The following TMEM132D variants were observed in gnomAD, a reference collection of about 807,000 sequenced individuals.
The protein encoded by TMEM132D is mature OL transmembrane protein.
A neutral mutation model predicts 62.3 loss-of-function variants in TMEM132D; 21 were observed. The ratio of observed to expected loss-of-function variants is 0.34; its 90% CI spans 0.24 to 0.49. The LOEUF is 0.49. TMEM132D is among the 20% of genes least tolerant of loss of function. The pLI is 0.99. For missense variants in TMEM132D, 1,346 were observed against 1,402.8 expected, an observed-to-expected ratio of 0.96 and a Z score of 0.65; for synonymous variants, 621 against 575.6, an observed-to-expected ratio of 1.08 and a Z score of -1.13.
At chr12:129,440,456 C>T (rs1474626749) in intron 3 of TMEM132D, among the ~76,000 whole-genome samples, 3 of 152,140 alleles carry the variant, frequency 2.0e-5, no homozygotes, top group Non-Finnish European at 4.4e-5. Flanking sequence ...AGAACTCAGA[C>T]AGGAAATGAT....
intron 2 of TMEM132D, among the ~76,000 whole-genome samples, chr12:129,600,428 T>C (rs986892723): frequency 2.0e-5 from 3 of 152,222 alleles, no homozygotes; most frequent in African/African-American, 2.4e-5. Context: ...TCCACACTCC[T>C]GTTCATGTTG....
At chr12:129,534,817 G>C (rs905672798) in intron 2 of TMEM132D, among the ~76,000 whole-genome samples, 5 of 152,174 alleles carry the variant, frequency 3.3e-5, no homozygotes, top group African/African-American at 7.2e-5. Context: ...TTGTGGCCCT[G>C]CTACAACTGT....
chr12:129,793,773 C>T (rs550279167), intron 1 of TMEM132D, among the ~76,000 whole-genome samples: 1 of 152,336 alleles, frequency 6.6e-6, no homozygotes, highest in Admixed American at 6.5e-5. Flanking sequence ...GTACCCTTCT[C>T]ACCCTTCTCC....
At chr12:129,257,181 A>G (rs1236413007) in intron 4 of TMEM132D, among the ~76,000 whole-genome samples, 1 of 150,334 alleles carries the variant, frequency 6.7e-6, no homozygotes, top group East Asian at 2.0e-4. Context: ...TTTTATGGGC[A>G]TCCAGGCATC....
At chr12:129,395,188 G>A (rs1871387826) in intron 3 of TMEM132D, among the ~76,000 whole-genome samples, 2 of 152,138 alleles carry the variant, frequency 1.3e-5, no homozygotes, top group South Asian at 4.1e-4. Flanking sequence ...CCCATTAGAT[G>A]GGTGCAAATG....
At chr12:129,439,701 G>C (rs981978514) in intron 3 of TMEM132D, among the ~76,000 whole-genome samples, 1 of 152,102 alleles carries the variant, frequency 6.6e-6, no homozygotes, top group Non-Finnish European at 1.5e-5. Context: ...CACCTGCCTC[G>C]GCCTCCCAAA....
chr12:129,719,619 T>C (rs1329817001), intron 1 of TMEM132D, among the ~76,000 whole-genome samples: 2 of 152,240 alleles, frequency 1.3e-5, no homozygotes, highest in African/African-American at 4.8e-5. Flanking sequence ...AAAACTCTTC[T>C]GTAAGTGCTG....
At chr12:129,128,758 C>A (rs1293991006) in intron 5 of TMEM132D, among the ~76,000 whole-genome samples, 1 of 152,132 alleles carries the variant, frequency 6.6e-6, no homozygotes, top group Non-Finnish European at 1.5e-5. Flanking sequence ...CATCCTGCCC[C>A]CACCCTTGGG....
chr12:129,206,228 G>A (rs141497315), intron 5 of TMEM132D, among the ~76,000 whole-genome samples: 45 of 152,240 alleles, frequency 3.0e-4, no homozygotes, highest in African/African-American at 9.6e-4. Context: ...CTCATATCCC[G>A]CACCTGTAAG....
At chr12:129,169,387 G>A (rs952888355) in intron 5 of TMEM132D, among the ~76,000 whole-genome samples, 2 of 152,200 alleles carry the variant, frequency 1.3e-5, no homozygotes, top group Non-Finnish European at 2.9e-5. Context: ...TGGAGCTATG[G>A]CAGCCATCAT....
intron 1 of TMEM132D, among the ~76,000 whole-genome samples, chr12:129,875,597 A>G (rs1426896129): frequency 2.0e-5 from 3 of 152,288 alleles, no homozygotes; most frequent in Non-Finnish European, 4.4e-5. Context: ...TCCAGCAGGC[A>G]TGGCGGGGAA....
intron 3 of TMEM132D, among the ~76,000 whole-genome samples, chr12:129,418,566 G>C (rs1290607954): frequency 1.3e-5 from 2 of 152,086 alleles, no homozygotes; most frequent in African/African-American, 4.8e-5. Context: ...GTTGGTGGGT[G>C]GGGGACAAGG....
chr12:129,245,766 G>C (rs1448344227), intron 4 of TMEM132D, among the ~76,000 whole-genome samples: 1 of 152,148 alleles, frequency 6.6e-6, no homozygotes, highest in Non-Finnish European at 1.5e-5. Context: ...CAGACAGAAT[G>C]CAAACCAGAA....
chr12:129,532,132 T>A (rs1010385487), intron 2 of TMEM132D, among the ~76,000 whole-genome samples: 3 of 150,822 alleles, frequency 2.0e-5, no homozygotes, highest in African/African-American at 7.2e-5. Flanking sequence ...CAAGCTGGCC[T>A]AGAAGTTTGA....
chr12:129,574,787 G>A (rs569060151), intron 2 of TMEM132D, among the ~76,000 whole-genome samples: 10 of 151,722 alleles, frequency 6.6e-5, no homozygotes, highest in South Asian at 2.1e-4. Context: ...GGTTTGCTGC[G>A]CCCCTCAGTG....
At chr12:129,295,884 A>G (rs1881561678) in intron 4 of TMEM132D, among the ~76,000 whole-genome samples, 2 of 151,952 alleles carry the variant, frequency 1.3e-5, no homozygotes, top group Non-Finnish European at 2.9e-5. Context: ...ATTCTTTTTT[A>G]TTGTTGTACT....
At chr12:129,732,435 G>A (rs542710375) in intron 1 of TMEM132D, among the ~76,000 whole-genome samples, 6 of 152,318 alleles carry the variant, frequency 3.9e-5, no homozygotes, top group African/African-American at 1.4e-4. Flanking sequence ...CAGTGCTGGA[G>A]GTATGACCTG....
chr12:129,564,242 C>G (rs1877310854), intron 2 of TMEM132D, among the ~76,000 whole-genome samples: 1 of 152,142 alleles, frequency 6.6e-6, no homozygotes, highest in South Asian at 2.1e-4. Flanking sequence ...ATCTAAGTCT[C>G]CTTGACTTGT....
chr12:129,407,681 C>T lies in TMEM132D; in HGVS notation c.1116-69864G>A, dbSNP rs1057086177. 5.3e-5 allele frequency among the ~76,000 whole-genome samples: 8 copies of T among 151,756 alleles called. No individual in the cohort carries two copies. In the South Asian group the frequency reaches 1.0e-3, roughly 20 times the overall value. On this transcript the variant is annotated intron_variant, in intron 3 of 8. Coordinates refer to ENST00000422113, the MANE Select transcript of TMEM132D (RefSeq NM_133448.3). The stretch of plus-strand genomic sequence containing the variant: ...CAGCACTTTGGGAGACCGAGGCAGG[C>T]GGATCATGAGGTCAGGAGATCGAGA...
Sources: allele counts gnomAD v4.1 joint callset (sites outside exome capture counted in the v4.1 genomes callset), GRCh38; gene constraint gnomAD v4.1.1; transcripts MANE v1.5; gene names NCBI Gene and HGNC (gene_info 2026-07-23, HGNC 2026-07-21).